INPP5B: variants seen among roughly 807,000 people sequenced by gnomAD.
INPP5B encodes type II inositol 1,4,5-trisphosphate 5-phosphatase.
INPP5B carries 90 observed loss-of-function variants against 118.5 expected under a neutral mutation model. The ratio of observed to expected loss-of-function variants is 0.76; its 90% confidence interval spans 0.64 to 0.90. INPP5B has a LOEUF of 0.90. INPP5B is among the 40% of genes least tolerant of loss of function. INPP5B has a pLI of 0.00. For synonymous variants in INPP5B, 385 were observed against 418.9 expected, an observed-to-expected ratio of 0.92 and a Z score of 0.99; for missense variants, 984 against 1,125.6, an observed-to-expected ratio of 0.87 and a Z score of 1.80.
intron 22 of INPP5B, among the ~76,000 whole-genome samples, chr1:37,865,003 A>G (rs1475491911): frequency 1.3e-5 from 2 of 152,156 alleles, no homozygotes; most frequent in Non-Finnish European, 2.9e-5. Context: ...CCTGGCCAAC[A>G]TGGTGAAACC....
intron 7 of INPP5B, among the ~76,000 whole-genome samples, chr1:37,918,868 C>G (rs781708124): frequency 6.6e-6 from 1 of 152,204 alleles, no homozygotes; most frequent in Non-Finnish European, 1.5e-5. Context: ...TAATCCCCCA[C>G]TGCTTTAATA....
At chr1:37,874,177 G>A in intron 17 of INPP5B, 22 bp from the exon 18 acceptor site, 1 of 1,530,500 alleles carries the variant, frequency 6.5e-7, no homozygotes, top group Non-Finnish European at 8.9e-7. Context: ...CCCGGGGCCA[G>A]TGAAAACCAG....
intron 7 of INPP5B, among the ~76,000 whole-genome samples, chr1:37,895,783 G>A (rs1161753409): frequency 2.6e-5 from 4 of 152,126 alleles, no homozygotes; most frequent in South Asian, 2.1e-4. Context: ...CTGAGGTGCC[G>A]GGATTGCAGA....
chr1:37,903,391 C>A (rs2148574990), intron 7 of INPP5B, among the ~76,000 whole-genome samples: 1 of 152,232 alleles, frequency 6.6e-6, no homozygotes, highest in East Asian at 1.9e-4. Context: ...AATGGGGAGG[C>A]TTGAATAATC....
intron 5 of INPP5B, chr1:37,942,204 G>C (rs998197990): frequency 6.7e-6 from 1 of 149,570 alleles, no homozygotes; most frequent in Admixed American, 6.7e-5. Context: ...CCGAGGTGGG[G>C]TGGATCACAA....
chr1:37,924,587 G>C (rs1006575877), intron 7 of INPP5B, among the ~76,000 whole-genome samples: 1 of 152,094 alleles, frequency 6.6e-6, no homozygotes, highest in African/African-American at 2.4e-5. Flanking sequence ...AAAGACATAA[G>C]AGGAAAGTTG....
Position 37,931,909 on chromosome 1 carries a change from C to T in INPP5B, c.532+4G>A. Reference sequence around the variant, plus strand: ...CCACCGTTTCTTCCGGGACGGATACCTGCCTCCGCCAATTGTCGCGTACCC... The same window carrying T: ...CCACCGTTTCTTCCGGGACGGATACTTGCCTCCGCCAATTGTCGCGTACCC... On this transcript the variant is annotated splice_donor_region_variant and intron_variant, in intron 7 of 23. Coordinates refer to ENST00000373024, the MANE Select transcript of INPP5B (RefSeq NM_005540.3). The T allele has an allele frequency of 1.4e-5, 22 of 1,614,044 alleles. No homozygotes were observed. The highest frequency in any genetic ancestry group is 1.9e-5 in the Non-Finnish European group (22 of 1,180,044).
Position 37,878,274 on chromosome 1 carries a change from T to C in INPP5B, c.1591A>G (p.Lys531Glu), listed in dbSNP as rs767682411. The change falls in exon 16 of 24, where the codon AAG becomes GAG. Residue 531 changes from lysine to glutamate, a missense_variant. Physicochemically the swap from Lys to Glu is moderately conservative, Grantham distance 56. This residue lies in a region of INPP5B where 634 missense variants were observed against 791.0 expected (regional missense o/e 0.80). Coordinates refer to ENST00000373024, the MANE Select transcript of INPP5B (RefSeq NM_005540.3). ...TGGTAACTCAGCTGAGTGATGTTCTTCCCTTTCCAGAGAATCCGATCACAC... is the reference window on the plus strand; with the variant it reads ...TGGTAACTCAGCTGAGTGATGTTCTCCCCTTTCCAGAGAATCCGATCACAC... ...AWCDRILWKG[K>E]NITQLSYQSH... 8.7e-6 allele frequency: 14 copies of C among 1,613,952 alleles called. No individual in the cohort carries two copies. The highest frequency in any genetic ancestry group is 3.3e-4 in the Middle Eastern group (2 of 6,084).
chr1:37,882,932 G>A lies in INPP5B; in HGVS notation c.1320-14C>T, dbSNP rs763753917. On this transcript the variant is annotated splice_polypyrimidine_tract_variant and intron_variant, in intron 13 of 23. Coordinates refer to ENST00000373024, the MANE Select transcript of INPP5B (RefSeq NM_005540.3). Reference sequence around the variant, plus strand: ...CACAAGATCACACTGTGAGGACAGAGCACAAAGGTAACAGGGTTTAGGAGG... The same window carrying A: ...CACAAGATCACACTGTGAGGACAGAACACAAAGGTAACAGGGTTTAGGAGG... 8.1e-6 allele frequency: 13 copies of A among 1,613,924 alleles called. No individual in the cohort carries two copies. The highest frequency in any genetic ancestry group is 8.5e-7 in the Non-Finnish European group (1 of 1,179,962).
At chr1:37,865,180 C>T (rs909522460) in intron 22 of INPP5B, among the ~76,000 whole-genome samples, 2 of 149,846 alleles carry the variant, frequency 1.3e-5, no homozygotes, top group African/African-American at 4.9e-5. Flanking sequence ...AAGACTCCAT[C>T]TCAAAAAAAA....
At chr1:37,890,818 T>A (rs1643796605) in intron 8 of INPP5B, among the ~76,000 whole-genome samples, 1 of 152,194 alleles carries the variant, frequency 6.6e-6, no homozygotes, top group Non-Finnish European at 1.5e-5. Flanking sequence ...TCTCATTACC[T>A]GAGTTTCCCT....
intron 6 of INPP5B, among the ~76,000 whole-genome samples, chr1:37,938,144 C>T (rs1645769801): frequency 6.6e-6 from 1 of 151,740 alleles, no homozygotes; most frequent in African/African-American, 2.4e-5. Context: ...TGGTGGCATG[C>T]GCCTGTACCA....
intron 7 of INPP5B, among the ~76,000 whole-genome samples, chr1:37,894,158 C>CA (rs572126361): frequency 6.8e-4 from 103 of 152,244 alleles, no homozygotes; most frequent in African/African-American, 2.3e-3. Context: ...TTTAAAAATG[C>CA]AAAAAATCAT....
intron 19 of INPP5B, chr1:37,870,802 T>C (rs1393569021): frequency 6.6e-6 from 1 of 152,266 alleles, no homozygotes; most frequent in Non-Finnish European, 1.5e-5. Context: ...AGATACATAC[T>C]ATAAGTGAAC....
chr1:37,863,859 G>A (rs1262188932), intron 23 of INPP5B, among the ~76,000 whole-genome samples: 15 of 147,688 alleles, frequency 1.0e-4, no homozygotes, highest in Non-Finnish European at 1.9e-4. Flanking sequence ...CTGTCGCCCA[G>A]GCTGGAGTGC....
chr1:37,913,277 AC>A (rs1644761481), intron 7 of INPP5B, among the ~76,000 whole-genome samples: 1 of 152,126 alleles, frequency 6.6e-6, no homozygotes, highest in Non-Finnish European at 1.5e-5. Context: ...AACAAAAACA[AC>A]AAAAAACATT....
intron 6 of INPP5B, 52 bp downstream of exon 6, chr1:37,940,636 G>T: frequency 9.5e-7 from 1 of 1,050,456 alleles, no homozygotes; most frequent in Non-Finnish European, 1.5e-6. Context: ...GGGGTGGGTA[G>T]GTGAATACCC....
intron 7 of INPP5B, among the ~76,000 whole-genome samples, chr1:37,914,948 CT>C (rs1319233428): frequency 1.3e-5 from 2 of 152,186 alleles, no homozygotes; most frequent in African/African-American, 4.8e-5. Context: ...TTTCTGTGTA[CT>C]CTCATTGACC....
chr1:37,924,499 A>G (rs1252291232), intron 7 of INPP5B, among the ~76,000 whole-genome samples: 1 of 151,946 alleles, frequency 6.6e-6, no homozygotes, highest in Non-Finnish European at 1.5e-5. Flanking sequence ...GTATTTCCCA[A>G]ATGAAAGCAC....
Sources: gnomAD v4.1 joint callset for allele counts (sites outside exome capture counted in the v4.1 genomes callset) on GRCh38, gnomAD v4.1.1 for gene constraint, gnomAD v4.1.1 regional missense constraint, MANE v1.5 for transcripts, NCBI Gene and HGNC (gene_info 2026-07-23, HGNC 2026-07-21) for gene names.